SNTG2: variants seen among roughly 807,000 people sequenced by gnomAD.
The protein encoded by SNTG2 is gamma-2-syntrophin.
In SNTG2, 74 loss-of-function variants were observed where a neutral mutation model predicts 70.9. That is an observed-to-expected ratio of 1.04 (90% CI 0.86 to 1.27). SNTG2 has a LOEUF of 1.27. Among genes scored for constraint, SNTG2 ranks in the 50% most tolerant of loss-of-function variants. SNTG2 has a pLI of 0.00. For missense variants in SNTG2, 717 were observed against 690.7 expected, an observed-to-expected ratio of 1.04 and a Z score of -0.43; for synonymous variants, 278 against 273.8, an observed-to-expected ratio of 1.02 and a Z score of -0.15.
chr2:1,176,698 T>C (rs937231049), intron 8 of SNTG2, among the ~76,000 whole-genome samples: 1 of 151,200 alleles, frequency 6.6e-6, no homozygotes, highest in African/African-American at 2.4e-5. Flanking sequence ...CAGATACTTC[T>C]CAAAAGAAGA....
At chr2:1,119,531 TGGA>T (rs1417068269) in intron 4 of SNTG2, among the ~76,000 whole-genome samples, 5 of 148,848 alleles carry the variant, frequency 3.4e-5, no homozygotes, top group South Asian at 2.1e-4. Flanking sequence ...ACATAAACTG[TGGA>T]GGAGAAGTTA....
chr2:1,221,443 G>GCATCTGCCTC (rs1674814709), intron 9 of SNTG2, among the ~76,000 whole-genome samples: 4 of 91,718 alleles, frequency 4.4e-5, no homozygotes, highest in East Asian at 9.2e-4. Flanking sequence ...CTCTGTCTCT[G>GCATCTGCCTC]TCTCTGTCTC....
At chr2:1,252,028 G>T (rs1677802635) in intron 12 of SNTG2, among the ~76,000 whole-genome samples, 1 of 152,192 alleles carries the variant, frequency 6.6e-6, no homozygotes, top group Admixed American at 6.5e-5. Context: ...GATCCACCAG[G>T]CTTGAGTTCA....
chr2:1,287,982 C>T (rs1300575527), intron 14 of SNTG2, among the ~76,000 whole-genome samples: 2 of 76,274 alleles, frequency 2.6e-5, no homozygotes, highest in Non-Finnish European at 5.4e-5. Flanking sequence ...GCGAGCCCAG[C>T]TTCCATCCTG....
intron 9 of SNTG2, among the ~76,000 whole-genome samples, chr2:1,210,207 G>C (rs538121736): frequency 6.6e-6 from 1 of 152,312 alleles, no homozygotes; most frequent in African/African-American, 2.4e-5. Context: ...CCCATTGCAG[G>C]AACAGGGACA....
intron 14 of SNTG2, among the ~76,000 whole-genome samples, chr2:1,296,635 T>C (rs2148229467): frequency 6.6e-6 from 1 of 152,326 alleles, no homozygotes; most frequent in South Asian, 2.1e-4. Context: ...CATCTCCGTG[T>C]TCATGAATCA....
chr2:1,321,868 T>TCCCTCCTTCCTTACCTC (rs1553279139), intron 16 of SNTG2, among the ~76,000 whole-genome samples: 2 of 146,858 alleles, frequency 1.4e-5, no homozygotes, highest in Non-Finnish European at 1.5e-5. Flanking sequence ...CCTTCTTTCT[T>TCCCTCCTTCCTTACCTC]CCTCCCTCCT....
intron 14 of SNTG2, among the ~76,000 whole-genome samples, chr2:1,284,744 A>G (rs1679698523): frequency 6.6e-6 from 1 of 152,150 alleles, no homozygotes. Flanking sequence ...AATTCTAAAT[A>G]CTGGAACCAT....
chr2:1,319,505 G>A (rs4603806), intron 16 of SNTG2, among the ~76,000 whole-genome samples: 3 of 152,146 alleles, frequency 2.0e-5, no homozygotes, highest in Non-Finnish European at 1.5e-5. Context: ...AGGCCCCTCC[G>A]TGGCACCCCT....
At chr2:978,806 C>G (rs1660997525) in intron 1 of SNTG2, among the ~76,000 whole-genome samples, 1 of 152,216 alleles carries the variant, frequency 6.6e-6, no homozygotes, top group South Asian at 2.1e-4. Flanking sequence ...GAGTCTTAGT[C>G]TCATGTTCTC....
intron 1 of SNTG2, among the ~76,000 whole-genome samples, chr2:989,961 C>T (rs1365548890): frequency 6.6e-6 from 1 of 152,244 alleles, no homozygotes; most frequent in Non-Finnish European, 1.5e-5. Flanking sequence ...TGGTCCAGGA[C>T]AGGGGTGGCA....
intron 6 of SNTG2, among the ~76,000 whole-genome samples, chr2:1,151,142 A>C (rs4971393): frequency 0.93 from 141,226 of 152,048 alleles, 65,700 homozygotes; most frequent in Non-Finnish European, 0.97. Context: ...TGGAAGAAAC[A>C]AGCCTTAACT....
intron 8 of SNTG2, among the ~76,000 whole-genome samples, chr2:1,177,180 G>T (rs1420172136): frequency 6.6e-6 from 1 of 152,126 alleles, no homozygotes; most frequent in Non-Finnish European, 1.5e-5. Context: ...TCCTTTGCAG[G>T]GACATGGATG....
chr2:1,250,350 C>A (rs1208755382), intron 12 of SNTG2, among the ~76,000 whole-genome samples: 1 of 152,178 alleles, frequency 6.6e-6, no homozygotes, highest in Non-Finnish European at 1.5e-5. Context: ...GATGCTGCAG[C>A]TCCTCCCTCC....
intron 6 of SNTG2, among the ~76,000 whole-genome samples, chr2:1,146,777 CATT>C (rs1466827140): frequency 4.6e-5 from 7 of 152,130 alleles, no homozygotes; most frequent in Non-Finnish European, 5.9e-5. Flanking sequence ...AGAGCAAAAA[CATT>C]ATAATGGGGA....
chr2:1,022,543 C>G (rs568958245), intron 1 of SNTG2, among the ~76,000 whole-genome samples: 1 of 152,114 alleles, frequency 6.6e-6, no homozygotes, highest in Admixed American at 6.5e-5. Flanking sequence ...TCCCGTCAGT[C>G]CCTGAGTTCC....
intron 12 of SNTG2, among the ~76,000 whole-genome samples, chr2:1,255,149 G>A (rs1365449154): frequency 6.6e-6 from 1 of 152,050 alleles, no homozygotes; most frequent in Non-Finnish European, 1.5e-5. Flanking sequence ...ATTTCAGGAA[G>A]CCATGGCGTG....
At chr2:1,226,949 A>G (rs548327978) in intron 9 of SNTG2, among the ~76,000 whole-genome samples, 12 of 152,358 alleles carry the variant, frequency 7.9e-5, no homozygotes, top group African/African-American at 2.9e-4. Context: ...AATCAAGCCC[A>G]TTAGACACAC....
chr2:1,146,792 A>T (rs28861239), intron 6 of SNTG2, among the ~76,000 whole-genome samples: 19,893 of 152,204 alleles, frequency 0.13, 1,680 homozygotes, highest in East Asian at 0.28. Flanking sequence ...TAATGGGGAA[A>T]AGGCAGTCTT....
Sources: gnomAD v4.1 joint callset for allele counts (sites outside exome capture counted in the v4.1 genomes callset) on GRCh38, gnomAD v4.1.1 for gene constraint, MANE v1.5 for transcripts, NCBI Gene and HGNC (gene_info 2026-07-23, HGNC 2026-07-21) for gene names.